HDAC9: variants seen among roughly 807,000 people sequenced by gnomAD.
HDAC9 encodes the protein histone deacetylase 9.
HDAC9 carries 41 observed loss-of-function variants against 139.4 expected under a neutral mutation model. The observed-to-expected ratio is 0.29, with a 90% CI of 0.23 to 0.38. The LOEUF (loss-of-function observed/expected upper bound fraction) is 0.38. HDAC9 is among the 10% of genes least tolerant of loss of function. The pLI is 1.00. For missense variants in HDAC9, 1,147 were observed against 1,297.0 expected, an observed-to-expected ratio of 0.88 and a Z score of 1.78; for synonymous variants, 517 against 476.2, an observed-to-expected ratio of 1.09 and a Z score of -1.12.
intron 2 of HDAC9, among the ~76,000 whole-genome samples, chr7:18,553,525 A>G (rs1218842090): frequency 1.3e-5 from 2 of 152,208 alleles, no homozygotes; most frequent in East Asian, 3.8e-4. Context: ...TACTTGTGTG[A>G]ACTTATCATT....
chr7:18,598,353 G>C (rs1833029893), intron 6 of HDAC9, among the ~76,000 whole-genome samples: 1 of 152,100 alleles, frequency 6.6e-6, no homozygotes, highest in African/African-American at 2.4e-5. Flanking sequence ...ACTTGTCAAA[G>C]TTTATTTTTA....
chr7:18,512,437 A>G (rs1033579409), intron 2 of HDAC9, among the ~76,000 whole-genome samples: 2 of 152,232 alleles, frequency 1.3e-5, no homozygotes, highest in African/African-American at 4.8e-5. Context: ...TGAAACTTTT[A>G]TGGAAAAATT....
chr7:18,130,075 G>T (rs1188466518), intron 1 of HDAC9, among the ~76,000 whole-genome samples: 1 of 152,056 alleles, frequency 6.6e-6, no homozygotes, highest in African/African-American at 2.4e-5. Context: ...CATACAGATG[G>T]AGTATCCCTT....
At chr7:18,600,784 CTGTT>C (rs1470022670) in intron 6 of HDAC9, among the ~76,000 whole-genome samples, 1 of 152,038 alleles carries the variant, frequency 6.6e-6, no homozygotes, top group Non-Finnish European at 1.5e-5. Flanking sequence ...AGTTTAGAAT[CTGTT>C]TGTCAATAAC....
At chr7:18,501,751 G>C (rs963823508) in intron 2 of HDAC9, among the ~76,000 whole-genome samples, 3 of 152,154 alleles carry the variant, frequency 2.0e-5, no homozygotes, top group Non-Finnish European at 2.9e-5. Context: ...CCTCTTTACA[G>C]TGTATGATTT....
At chr7:18,784,875 A>G (rs1448741557) in intron 16 of HDAC9, among the ~76,000 whole-genome samples, 1 of 151,986 alleles carries the variant, frequency 6.6e-6, no homozygotes, top group Non-Finnish European at 1.5e-5. Flanking sequence ...CCACGTGTGT[A>G]GTATGAACCC....
chr7:18,102,583 T>G (rs763716552), intron 1 of HDAC9, among the ~76,000 whole-genome samples: 1 of 152,182 alleles, frequency 6.6e-6, no homozygotes, highest in Non-Finnish European at 1.5e-5. Flanking sequence ...AATAGAATCT[T>G]GAAAAAGCGA....
chr7:18,208,227 C>A lies in HDAC9; in HGVS notation c.25+45878C>A, dbSNP rs137969100. ...CAAATGCTTATAGTTACCCAGATGA[C>A]CACCTTTCACATTTTCTATCTCATC... On this transcript the variant is annotated intron_variant, in intron 2 of 12. Coordinates refer to the HDAC9 transcript ENST00000417496. Among the ~76,000 whole-genome samples, 236 of 152,158 alleles carry A rather than the reference C, an allele frequency of 1.6e-3. 1 individual carries two copies. The highest frequency in any genetic ancestry group is 5.4e-3 in the African/African-American group (224 of 41,522).
chr7:18,142,342 A>G (rs28671292), intron 1 of HDAC9, among the ~76,000 whole-genome samples: 4,166 of 152,272 alleles, frequency 0.027, 197 homozygotes, highest in African/African-American at 0.095. Context: ...GTGATCCCCC[A>G]GGGAGCCCCT....
chr7:18,882,128 T>A (rs1799785017), intron 22 of HDAC9, among the ~76,000 whole-genome samples: 1 of 152,100 alleles, frequency 6.6e-6, no homozygotes, highest in African/African-American at 2.4e-5. Flanking sequence ...GAATCCATGA[T>A]TTTTTTAAAG....
At chr7:18,087,880 C>G (rs1583961527) in intron 1 of HDAC9, 1 of 152,490 alleles carries the variant, frequency 6.6e-6, no homozygotes, top group African/African-American at 2.4e-5. Flanking sequence ...TCCCCTTGTC[C>G]GCAATGAGAG....
rs373378244 is a variant in HDAC9, at chr7:18,451,008, AG to A, written c.-41-45253del. On this transcript the variant is annotated intron_variant, in intron 1 of 3. Coordinates refer to the HDAC9 transcript ENST00000413509. ...CATATACATACCGCTGTGGTCTGAA[AG>A]TTTGTGCCCCTCCAAAATTTATGTT... is the stretch of plus-strand genomic sequence containing the variant. 4.2e-3 allele frequency among the ~76,000 whole-genome samples: 644 copies of A among 152,248 alleles called. 4 individuals carry two copies. Among genetic ancestry groups the A allele is most frequent in the African/African-American group, 0.015 (624 of 41,546 alleles).
chr7:18,502,457 C>G (rs903147161), intron 2 of HDAC9: 2 of 152,166 alleles, frequency 1.3e-5, no homozygotes, highest in South Asian at 4.1e-4. Context: ...TAGCTAGGCA[C>G]TAGCAGTATT....
At chr7:18,333,485 C>G (rs1473607131) in intron 1 of HDAC9, among the ~76,000 whole-genome samples, 1 of 151,426 alleles carries the variant, frequency 6.6e-6, no homozygotes, top group South Asian at 2.1e-4. Flanking sequence ...TTTACTATCT[C>G]TCTATATCCC....
intron 1 of HDAC9, among the ~76,000 whole-genome samples, chr7:18,333,717 G>C (rs997552611): frequency 2.0e-5 from 3 of 151,238 alleles, no homozygotes; most frequent in African/African-American, 7.3e-5. Context: ...AAATCATTTA[G>C]GTATTTTTTA....
chr7:18,887,649 G>T (rs556072393), intron 22 of HDAC9, among the ~76,000 whole-genome samples: 2 of 152,138 alleles, frequency 1.3e-5, no homozygotes, highest in East Asian at 3.9e-4. Context: ...ATATAAGCTG[G>T]GGTCAGAATT....
intron 2 of HDAC9, among the ~76,000 whole-genome samples, chr7:18,529,093 G>A (rs1807949143): frequency 6.6e-6 from 1 of 151,874 alleles, no homozygotes; most frequent in Non-Finnish European, 1.5e-5. Flanking sequence ...TGTTAAGAGA[G>A]CCTCAAACAG....
intron 6 of HDAC9, among the ~76,000 whole-genome samples, chr7:18,595,699 C>G (rs1228640068): frequency 2.0e-5 from 3 of 151,970 alleles, no homozygotes; most frequent in Non-Finnish European, 2.9e-5. Context: ...GAGCACAGAG[C>G]CTTTGAATAT....
At chr7:18,919,062 G>A (rs962445149) in intron 22 of HDAC9, among the ~76,000 whole-genome samples, 2 of 152,012 alleles carry the variant, frequency 1.3e-5, no homozygotes, top group Admixed American at 1.3e-4. Flanking sequence ...AAATACTTGA[G>A]TTAATCAGTA....
Sources: allele counts gnomAD v4.1 joint callset (sites outside exome capture counted in the v4.1 genomes callset), GRCh38; gene constraint gnomAD v4.1.1; transcripts MANE v1.5; gene names NCBI Gene and HGNC (gene_info 2026-07-23, HGNC 2026-07-21).